Variants in SLCO5A1 observed in about 807,000 individuals in gnomAD.
The protein encoded by SLCO5A1 is solute carrier organic anion transporter family member 5A1.
In SLCO5A1, 39 loss-of-function variants were observed where a neutral mutation model predicts 65.1. That is an observed-to-expected ratio of 0.60 (90% CI 0.46 to 0.78). The LOEUF (loss-of-function observed/expected upper bound fraction) is 0.78, where lower values mean the gene tolerates loss of function less well. Among genes scored for constraint, SLCO5A1 ranks in the 30% least tolerant of loss-of-function variants. SLCO5A1 has a pLI of 0.00. For missense variants in SLCO5A1, 1,029 were observed against 1,069.4 expected (o/e 0.96, Z 0.53); for synonymous variants, 438 against 415.7 (o/e 1.05, Z -0.65).
intron 6 of SLCO5A1, among the ~76,000 whole-genome samples, chr8:69,684,645 T>C (rs2130791939): frequency 6.6e-6 from 1 of 152,262 alleles, no homozygotes; most frequent in Admixed American, 6.5e-5. Flanking sequence ...TAATAGTGGG[T>C]ATAAATATAG....
rs1346165770 is a variant in SLCO5A1 at position 69,668,677 on chromosome 8, T to C, written c.*4192A>G. The C allele has an allele frequency of 1.3e-5, 2 of 152,148 alleles. No individual in the cohort carries two copies. The highest frequency in any genetic ancestry group is 1.9e-4 in the East Asian group (1 of 5,186). 9.4% of individuals were successfully genotyped at this position (152,148 alleles called of 1,614,324 possible). On this transcript the variant is annotated 3_prime_UTR_variant, in exon 10 of 10. Transcript: ENST00000260126. The stretch of plus-strand genomic sequence containing the variant: ...CTACAAAACAGGGCCAAAAAGACAC[T>C]TTCTGGCTCCAAGTGCACCAAAGAG...
chr8:69,766,331 A>G (rs1818055440), intron 2 of SLCO5A1, among the ~76,000 whole-genome samples: 1 of 152,030 alleles, frequency 6.6e-6, no homozygotes, highest in South Asian at 2.1e-4. Context: ...CATGAAACCC[A>G]TGTGTAGCTA....
At chr8:69,698,176 G>T (rs536749855) in intron 6 of SLCO5A1, among the ~76,000 whole-genome samples, 5 of 152,318 alleles carry the variant, frequency 3.3e-5, no homozygotes, top group African/African-American at 1.2e-4. Context: ...TTGCTGCAAA[G>T]GGAACGGTCT....
intron 6 of SLCO5A1, among the ~76,000 whole-genome samples, chr8:69,695,556 CTT>C (rs796460493): frequency 6.8e-6 from 1 of 146,052 alleles, no homozygotes; most frequent in Non-Finnish European, 1.5e-5. Context: ...TGACTTCTCT[CTT>C]TTTTTTTTTA....
intron 2 of SLCO5A1, among the ~76,000 whole-genome samples, chr8:69,766,494 T>C (rs1319593594): frequency 1.3e-5 from 2 of 152,160 alleles, no homozygotes; most frequent in African/African-American, 2.4e-5. Context: ...TTGCTCTGTG[T>C]GCACATGTGT....
chr8:69,762,287 T>C (rs922581669), intron 2 of SLCO5A1, among the ~76,000 whole-genome samples: 1 of 151,668 alleles, frequency 6.6e-6, no homozygotes, highest in African/African-American at 2.4e-5. Flanking sequence ...CCCAGGTTCA[T>C]GCCATTCTCC....
At chr8:69,674,955 A>T (rs1813488752) in intron 9 of SLCO5A1, among the ~76,000 whole-genome samples, 1 of 151,424 alleles carries the variant, frequency 6.6e-6, no homozygotes, top group Non-Finnish European at 1.5e-5. Context: ...CAGGAGAAAC[A>T]CTTGAACCCT....
chr8:69,807,080 A>C (rs975406111), intron 2 of SLCO5A1, among the ~76,000 whole-genome samples: 3 of 152,214 alleles, frequency 2.0e-5, no homozygotes, highest in Non-Finnish European at 4.4e-5. Context: ...CATATTACCC[A>C]ATTTCAAACT....
intron 5 of SLCO5A1, among the ~76,000 whole-genome samples, chr8:69,717,885 T>C (rs1012274213): frequency 3.3e-5 from 5 of 152,198 alleles, no homozygotes; most frequent in Non-Finnish European, 7.4e-5. Context: ...AATTAAAATA[T>C]ACATAACTTC....
chr8:69,789,150 G>C (rs780018590), intron 2 of SLCO5A1, among the ~76,000 whole-genome samples: 1 of 152,124 alleles, frequency 6.6e-6, no homozygotes, highest in Admixed American at 6.6e-5. Flanking sequence ...ACACAACACT[G>C]TGCCTCTTGG....
rs891571913 is a variant in SLCO5A1, at chr8:69,688,333, T to A, written c.1623-5990A>T. ...TAAATGATTTTGAATGGTGCTAAAA[T>A]TTTTTTTTTATTATTATTATACTTT... is the stretch of plus-strand genomic sequence containing the variant. On this transcript the variant is annotated intron_variant, in intron 6 of 9. Transcript: ENST00000260126. 2.1e-4 allele frequency among the ~76,000 whole-genome samples: 23 copies of A among 110,962 alleles called. No individual in the cohort carries two copies. The East Asian group carries it at 2.5e-3, about 12-fold the overall frequency. 72.8% of individuals were successfully genotyped at this position (110,962 alleles called of 152,430 possible).
Position 69,778,225 on chromosome 8 carries a change from TGG to T in SLCO5A1, c.908-16352_908-16351del, listed in dbSNP as rs35184786. 7.3e-3 allele frequency among the ~76,000 whole-genome samples: 1,044 copies of T among 142,632 alleles called. 11 individuals are homozygous for T. Among genetic ancestry groups the T allele is most frequent in the Middle Eastern group, 0.014 (4 of 286 alleles). 93.6% of individuals were successfully genotyped at this position (142,632 alleles called of 152,430 possible). On this transcript the variant is annotated intron_variant, in intron 2 of 9. Coordinates refer to ENST00000260126, the MANE Select transcript of SLCO5A1 (RefSeq NM_030958.3). Reference sequence around the variant, plus strand: ...ACTATTGCATATTTACATATATGTATGGGGTGTGTGTGTGTGTGTGTGTGTGT... The same window carrying T: ...ACTATTGCATATTTACATATATGTATGGTGTGTGTGTGTGTGTGTGTGTGT...
chr8:69,692,064 C>T (rs898444117), intron 6 of SLCO5A1, among the ~76,000 whole-genome samples: 2 of 152,144 alleles, frequency 1.3e-5, no homozygotes, highest in Admixed American at 6.5e-5. Flanking sequence ...CTGGCTAACA[C>T]AGTGAAACCC....
intron 2 of SLCO5A1, among the ~76,000 whole-genome samples, chr8:69,809,130 T>C (rs942636594): frequency 6.6e-6 from 1 of 152,034 alleles, no homozygotes; most frequent in Non-Finnish European, 1.5e-5. Flanking sequence ...AAAGAATTCA[T>C]AATAAAGCAA....
chr8:69,775,450 A>G (rs1440766318), intron 2 of SLCO5A1, among the ~76,000 whole-genome samples: 1 of 152,156 alleles, frequency 6.6e-6, no homozygotes, highest in African/African-American at 2.4e-5. Flanking sequence ...GTACCCTAGA[A>G]CTTAAAGTAT....
intron 5 of SLCO5A1, among the ~76,000 whole-genome samples, chr8:69,724,036 G>A (rs972292886): frequency 6.6e-6 from 1 of 152,152 alleles, no homozygotes; most frequent in Middle Eastern, 3.2e-3. Context: ...GCCTTCCAAA[G>A]TGCTGGCATT....
chr8:69,720,168 C>A (rs941251765), intron 5 of SLCO5A1, among the ~76,000 whole-genome samples: 1 of 152,178 alleles, frequency 6.6e-6, no homozygotes, highest in Non-Finnish European at 1.5e-5. Context: ...GATAAAACTT[C>A]TCTTTGGAAG....
chr8:69,834,118 ACACACAC>A (rs1251479832), intron 1 of SLCO5A1: 1 of 156,344 alleles, frequency 6.4e-6, no homozygotes, highest in Non-Finnish European at 1.4e-5. Flanking sequence ...ACACACACAC[ACACACAC>A]ACACCGGCGT....
intron 2 of SLCO5A1, among the ~76,000 whole-genome samples, chr8:69,771,953 G>T (rs1473249243): frequency 6.6e-6 from 1 of 152,162 alleles, no homozygotes; most frequent in African/African-American, 2.4e-5. Flanking sequence ...CCCTGGGGAG[G>T]GTCCTATGGG....
Sources: allele counts gnomAD v4.1 joint callset (sites outside exome capture counted in the v4.1 genomes callset), GRCh38; gene constraint gnomAD v4.1.1; transcripts MANE v1.5; gene names NCBI Gene and HGNC (gene_info 2026-07-23, HGNC 2026-07-21).